The following MEF2C variants were observed in gnomAD, a reference collection of about 807,000 sequenced individuals.
MEF2C encodes the protein myocyte enhancer factor 2C, also known as myocyte-specific enhancer factor 2C.
In MEF2C, 6 loss-of-function variants were observed where a neutral mutation model predicts 50.5. The observed-to-expected ratio is 0.12, with a 90% confidence interval of 0.07 to 0.23. The LOEUF (loss-of-function observed/expected upper bound fraction) is 0.23. Ranked by LOEUF, MEF2C falls within the 10% of genes least tolerant of loss-of-function variation. MEF2C has a pLI of 1.00. For synonymous variants in MEF2C, 183 were observed against 228.0 expected (o/e 0.80, Z 1.78); for missense variants, 276 against 605.0 (o/e 0.46, Z 5.70).
chr5:88,815,020 G>T (rs944468008), intron 2 of MEF2C, among the ~76,000 whole-genome samples: 2 of 152,026 alleles, frequency 1.3e-5, no homozygotes, highest in African/African-American at 4.8e-5. Flanking sequence ...GTTTGTTAAA[G>T]GGCTAATTTT....
chr5:88,768,622 G>C (rs1179890353), intron 3 of MEF2C: 1 of 935,934 alleles, frequency 1.1e-6, no homozygotes, highest in Non-Finnish European at 1.3e-6. Flanking sequence ...CAAGTGGTCG[G>C]AACTTACTAG....
chr5:88,755,416 T>C (rs1479729819), intron 4 of MEF2C, among the ~76,000 whole-genome samples: 1 of 152,190 alleles, frequency 6.6e-6, no homozygotes, highest in Non-Finnish European at 1.5e-5. Flanking sequence ...CCAAACACTA[T>C]GCAACACAGT....
intron 3 of MEF2C, 113 bp downstream of exon 3, chr5:88,804,485 G>C: frequency 2.2e-6 from 2 of 896,114 alleles, no homozygotes; most frequent in Non-Finnish European, 1.8e-6. Flanking sequence ...CTATCTATGG[G>C]ACTATGAACA....
At chr5:88,832,846 C>T (rs1194876940) in intron 1 of MEF2C, among the ~76,000 whole-genome samples, 1 of 152,098 alleles carries the variant, frequency 6.6e-6, no homozygotes, top group Non-Finnish European at 1.5e-5. Flanking sequence ...CTAATTATGG[C>T]TATCACTGAT....
chr5:88,894,202 A>G (rs1834878846), intron 1 of MEF2C, among the ~76,000 whole-genome samples: 1 of 152,172 alleles, frequency 6.6e-6, no homozygotes, highest in Non-Finnish European at 1.5e-5. Context: ...TTAAGATTTT[A>G]CACACTAAAG....
chr5:88,825,646 G>A, intron 1 of MEF2C: 1 of 984,764 alleles, frequency 1.0e-6, no homozygotes, highest in Non-Finnish European at 1.2e-6. Flanking sequence ...GCTAGACACT[G>A]TCCATCTATT....
Position 88,722,868 on chromosome 5 carries a change from T to C in MEF2C, c.1158A>G (p.Gln386=). The change falls in exon 11 of 11, where the codon CAA becomes CAG. Residue 386 remains glutamine, a synonymous_variant. Transcript: ENST00000504921. ...CAGGTTCTGACTTGATGTTGAGGCT[T>C]TGAGTAGAAGGCAGGGAGAGATTTG... The part of the protein sequence containing the change: ...QSSNLSLPST[Q]SLNIKSEPVS... The C allele has an allele frequency of 6.2e-7, 1 of 1,613,848 alleles. No homozygotes were observed. Among genetic ancestry groups the C allele is most frequent in the Non-Finnish European group, 8.5e-7 (1 of 1,179,798 alleles).
intron 1 of MEF2C, among the ~76,000 whole-genome samples, chr5:88,864,493 A>G (rs891895741): frequency 2.0e-5 from 3 of 151,496 alleles, no homozygotes; most frequent in South Asian, 4.2e-4. Flanking sequence ...ATGTGTGTAT[A>G]TATTTGTATA....
At chr5:88,882,495 T>A (rs906957391) in intron 1 of MEF2C, among the ~76,000 whole-genome samples, 3 of 152,204 alleles carry the variant, frequency 2.0e-5, no homozygotes, top group African/African-American at 7.2e-5. Flanking sequence ...AATTAGTGGC[T>A]CAGAAGCATA....
At chr5:88,794,344 G>C (rs1483885547) in intron 3 of MEF2C, among the ~76,000 whole-genome samples, 3 of 152,104 alleles carry the variant, frequency 2.0e-5, no homozygotes, top group Non-Finnish European at 4.4e-5. Context: ...ATTCTAACTG[G>C]TGTGAGATGT....
rs763465059 is a variant in MEF2C at position 88,823,723 on chromosome 5, T to G, written c.54+12A>C. The G allele has an allele frequency of 1.8e-5, 28 of 1,595,652 alleles. No individual in the cohort carries two copies. Among genetic ancestry groups the G allele is most frequent in the Non-Finnish European group, 2.1e-5 (25 of 1,170,302 alleles). On this transcript the variant is annotated intron_variant, in intron 2 of 10. Coordinates refer to ENST00000504921, the MANE Select transcript of MEF2C (RefSeq NM_002397.5). Reference sequence around the variant, plus strand: ...AATAAATAATGATACAAAAAAAGTTTACTCCACTCACCTGTCTGTTACGTT... The same window carrying G: ...AATAAATAATGATACAAAAAAAGTTGACTCCACTCACCTGTCTGTTACGTT...
chr5:88,754,573 T>C (rs2152552265), intron 4 of MEF2C, among the ~76,000 whole-genome samples: 2 of 152,302 alleles, frequency 1.3e-5, no homozygotes, highest in South Asian at 4.2e-4. Context: ...TAGGGAGCAT[T>C]TTGGAAATCT....
rs538278930 is a variant in MEF2C, at chr5:88,737,622, T to C, written c.638-5721A>G. On this transcript the variant is annotated intron_variant, in intron 6 of 10. Transcript: ENST00000504921. ...CCTAGGGAAAAGAATGGTGGCAGGG[T>C]GGCTATTAAGAGTGAACAGGAATTT... 1,454 of 985,238 alleles carry C rather than the reference T, an allele frequency of 1.5e-3. 2 individuals carry two copies. The highest frequency in any genetic ancestry group is 1.6e-3 in the Middle Eastern group (3 of 1,914). 61.0% of individuals were successfully genotyped at this position (985,238 alleles called of 1,614,324 possible).
intron 1 of MEF2C, among the ~76,000 whole-genome samples, chr5:88,846,634 C>T (rs1051508142): frequency 1.3e-5 from 2 of 152,252 alleles, no homozygotes; most frequent in African/African-American, 2.4e-5. Context: ...CCTGTAATGC[C>T]GCCAAGGTCA....
At chr5:88,869,015 A>C (rs1423617182) in intron 1 of MEF2C, among the ~76,000 whole-genome samples, 2 of 151,808 alleles carry the variant, frequency 1.3e-5, no homozygotes, top group Admixed American at 1.3e-4. Flanking sequence ...TTACTACAAC[A>C]AGCACATGAT....
intron 3 of MEF2C, among the ~76,000 whole-genome samples, chr5:88,799,913 CAGAGAGAG>C (rs60801087): frequency 1.6e-5 from 1 of 63,624 alleles, no homozygotes; most frequent in Non-Finnish European, 3.9e-5. Flanking sequence ...CACACACACA[CAGAGAGAG>C]AGACACACAT....
chr5:88,758,539 C>T (rs765600724), intron 4 of MEF2C, among the ~76,000 whole-genome samples: 57 of 152,154 alleles, frequency 3.7e-4, no homozygotes, highest in African/African-American at 1.3e-3. Context: ...ACTGGGTCTT[C>T]GAAATAGAAA....
chr5:88,881,948 C>T (rs1833022785), intron 1 of MEF2C, among the ~76,000 whole-genome samples: 1 of 152,064 alleles, frequency 6.6e-6, no homozygotes, highest in South Asian at 2.1e-4. Flanking sequence ...TCAGCATTTA[C>T]ATATAAAGTA....
At chr5:88,862,649 C>T (rs1210470016) in intron 1 of MEF2C, among the ~76,000 whole-genome samples, 1 of 152,100 alleles carries the variant, frequency 6.6e-6, no homozygotes, top group Non-Finnish European at 1.5e-5. Flanking sequence ...GGGTAGCTCC[C>T]TGTTTGGCCC....
Sources: gnomAD v4.1 joint callset for allele counts (sites outside exome capture counted in the v4.1 genomes callset) on GRCh38, gnomAD v4.1.1 for gene constraint, MANE v1.5 for transcripts, NCBI Gene and HGNC (gene_info 2026-07-23, HGNC 2026-07-21) for gene names.